Variants in AGXT2 observed in about 807,000 individuals in gnomAD.
The protein encoded by AGXT2 is alanine--glyoxylate aminotransferase 2, mitochondrial.
Under a neutral mutation model 62.5 loss-of-function variants are expected in AGXT2, and 61 were observed. The observed-to-expected ratio is 0.98, with a 90% CI of 0.79 to 1.21. The LOEUF (loss-of-function observed/expected upper bound fraction) is 1.21. AGXT2 is among the 50% of genes most tolerant of loss of function. AGXT2 has a pLI of 0.00. For missense variants in AGXT2, 666 were observed against 641.5 expected (o/e 1.04, Z -0.41); for synonymous variants, 243 against 218.7 (o/e 1.11, Z -0.98).
chr5:35,015,618 G>A (rs1022198491), intron 9 of AGXT2, among the ~76,000 whole-genome samples: 1 of 152,084 alleles, frequency 6.6e-6, no homozygotes, highest in African/African-American at 2.4e-5. Context: ...GGGAGGCCGA[G>A]GTGGGTGGAT....
At chr5:35,035,763 G>A (rs911592708) in intron 4 of AGXT2, among the ~76,000 whole-genome samples, 1 of 152,156 alleles carries the variant, frequency 6.6e-6, no homozygotes, top group Non-Finnish European at 1.5e-5. Flanking sequence ...TGACTATGCT[G>A]TGTGTGTGAA....
At chr5:35,009,087 G>A (rs1389714239) in intron 12 of AGXT2, among the ~76,000 whole-genome samples, 2 of 152,138 alleles carry the variant, frequency 1.3e-5, no homozygotes, top group Non-Finnish European at 2.9e-5. Flanking sequence ...TTGGGAGAAC[G>A]GTGGAGTGTG....
chr5:35,002,164 TTA>T (rs1294832812), intron 13 of AGXT2, among the ~76,000 whole-genome samples: 1 of 152,144 alleles, frequency 6.6e-6, no homozygotes, highest in Non-Finnish European at 1.5e-5. Context: ...AATCATTAAA[TTA>T]TGTTATCTGG....
intron 5 of AGXT2, 108 bp downstream of exon 5, chr5:35,035,114 T>C (rs915562420): frequency 2.1e-6 from 2 of 970,864 alleles, no homozygotes; most frequent in Non-Finnish European, 1.7e-6. Flanking sequence ...ACTAGAAAAA[T>C]ATCCCTGAGA....
rs60475980 is a variant in AGXT2 at position 34,998,514 on chromosome 5, C to A, written c.*205G>T. Reference sequence around the variant, plus strand: ...GATTTATTCTCTGAGCTAGGGAGATCCTTTCCCTGAAGAATGGAGTTCTCA... The same window carrying A: ...GATTTATTCTCTGAGCTAGGGAGATACTTTCCCTGAAGAATGGAGTTCTCA... On this transcript the variant is annotated 3_prime_UTR_variant, in exon 14 of 14. Transcript: ENST00000231420. 0.043 allele frequency: 26,351 copies of A among 612,202 alleles called. 1,914 individuals are homozygous for A. The highest frequency in any genetic ancestry group is 0.24 in the African/African-American group (13,231 of 54,106). The allele number at this position is 612,202 out of a possible 1,614,324, so 37.9% of individuals were successfully genotyped here. A position where few individuals can be genotyped will look rare whatever the true frequency, so the allele number is the denominator to read the frequency against.
At position 35,037,193 on chromosome 5, in the gene AGXT2, T is replaced by C. The variant is rs911563280; in HGVS notation, c.363-128A>G. On this transcript the variant is annotated intron_variant, in intron 3 of 13. Coordinates refer to ENST00000231420, the MANE Select transcript of AGXT2 (RefSeq NM_031900.4). The stretch of plus-strand genomic sequence containing the variant: ...TCAAGAGGCAGATTTTATTTACACA[T>C]GAGAATAAACTCCTTTAACCACTAG... 6.4e-6 allele frequency: 9 copies of C among 1,404,916 alleles called. No individual in the cohort carries two copies. In the Admixed American group the frequency reaches 1.4e-4, roughly 22 times the overall value. The allele number at this position is 1,404,916 out of a possible 1,614,324, so 87.0% of individuals were successfully genotyped here.
At chr5:35,016,388 C>A (rs1766851544) in intron 9 of AGXT2, among the ~76,000 whole-genome samples, 1 of 152,144 alleles carries the variant, frequency 6.6e-6, no homozygotes, top group Non-Finnish European at 1.5e-5. Flanking sequence ...TATGGTTTAA[C>A]TTTGAGGCAA....
chr5:35,047,688 T>C (rs921343792), intron 1 of AGXT2, 117 bp downstream of exon 1: 3 of 1,343,830 alleles, frequency 2.2e-6, no homozygotes, highest in African/African-American at 1.5e-5. Flanking sequence ...ACATGCCTCA[T>C]CTCTAAGACC....
chr5:35,036,912 C>G (rs772881334), intron 4 of AGXT2, 30 bp downstream of exon 4: 1 of 1,613,534 alleles, frequency 6.2e-7, no homozygotes, highest in South Asian at 1.1e-5. Flanking sequence ...TCCCCCATAA[C>G]ATTCACCTCC....
rs368143718 is a variant in AGXT2 at position 35,039,238 on chromosome 5, G to A, written c.362+86C>T. On this transcript the variant is annotated intron_variant, in intron 3 of 13. Coordinates refer to ENST00000231420, the MANE Select transcript of AGXT2 (RefSeq NM_031900.4). ...CATAGATATTTTTAAACCAAGATAA[G>A]CAAATCAAGAGTTCAGAGTCACTAA... 51 of 1,448,220 alleles carry A rather than the reference G, an allele frequency of 3.5e-5. No homozygotes were observed. The South Asian group carries it at 5.9e-4, about 17-fold the overall frequency. The allele number at this position is 1,448,220 out of a possible 1,614,324, so 89.7% of individuals were successfully genotyped here. A position where few individuals can be genotyped will look rare whatever the true frequency, so the allele number is the denominator to read the frequency against.
intron 9 of AGXT2, among the ~76,000 whole-genome samples, chr5:35,025,221 C>T (rs1767284971): frequency 6.6e-6 from 1 of 151,578 alleles, no homozygotes; most frequent in Admixed American, 6.6e-5. Flanking sequence ...ACTAAAAATA[C>T]AAAAATTAGT....
At chr5:35,019,650 T>C (rs1766990793) in intron 9 of AGXT2, among the ~76,000 whole-genome samples, 1 of 151,612 alleles carries the variant, frequency 6.6e-6, no homozygotes, top group Non-Finnish European at 1.5e-5. Flanking sequence ...CACCCTAACA[T>C]CACAATTAAA....
At chr5:35,030,401 G>T (rs770206827) in intron 7 of AGXT2, among the ~76,000 whole-genome samples, 1 of 152,148 alleles carries the variant, frequency 6.6e-6, no homozygotes, top group Non-Finnish European at 1.5e-5. Flanking sequence ...CCCGCTACTC[G>T]GGAAGCTGAG....
intron 9 of AGXT2, among the ~76,000 whole-genome samples, chr5:35,018,321 G>C (rs921304089): frequency 6.6e-6 from 1 of 152,160 alleles, no homozygotes; most frequent in Non-Finnish European, 1.5e-5. Context: ...GGCAGCAAGA[G>C]AGAAAGGTCA....
At chr5:35,042,858 T>C (rs1206201780) in intron 1 of AGXT2, among the ~76,000 whole-genome samples, 3 of 152,074 alleles carry the variant, frequency 2.0e-5, no homozygotes, top group African/African-American at 7.2e-5. Context: ...TAGGTATTTG[T>C]TTTGTTTTGT....
rs557613663 is a variant in AGXT2, at chr5:35,037,194, G to A, written c.363-129C>T. 1.2e-5 allele frequency: 16 copies of A among 1,367,386 alleles called. No individual in the cohort carries two copies. The South Asian group carries it at 1.9e-4, about 16-fold the overall frequency. The allele number at this position is 1,367,386 out of a possible 1,614,324, so 84.7% of individuals were successfully genotyped here. A position where few individuals can be genotyped will look rare whatever the true frequency, so the allele number is the denominator to read the frequency against. On this transcript the variant is annotated intron_variant, in intron 3 of 13. Coordinates refer to ENST00000231420, the MANE Select transcript of AGXT2 (RefSeq NM_031900.4). ...CAAGAGGCAGATTTTATTTACACAT[G>A]AGAATAAACTCCTTTAACCACTAGA...
intron 9 of AGXT2, among the ~76,000 whole-genome samples, chr5:35,016,291 T>A (rs969951874): frequency 6.6e-6 from 1 of 152,214 alleles, no homozygotes; most frequent in African/African-American, 2.4e-5. Context: ...CTTGCTCTCA[T>A]CCTCCCACTG....
At chr5:35,015,192 T>C (rs163907) in intron 9 of AGXT2, among the ~76,000 whole-genome samples, 69,202 of 151,982 alleles carry the variant, frequency 0.46, 16,124 homozygotes, top group African/African-American at 0.54. Context: ...CTGGGAAGGC[T>C]GCCATAGAGA....
intron 7 of AGXT2, among the ~76,000 whole-genome samples, chr5:35,028,581 GAGAGAGAGA>G (rs1767447490): frequency 1.1e-5 from 1 of 93,496 alleles, no homozygotes; most frequent in Non-Finnish European, 2.2e-5. Context: ...GAGAGAGAGA[GAGAGAGAGA>G]GAGAGAGAGA....
Sources: allele counts gnomAD v4.1 joint callset (sites outside exome capture counted in the v4.1 genomes callset), GRCh38; gene constraint gnomAD v4.1.1; transcripts MANE v1.5; gene names NCBI Gene and HGNC (gene_info 2026-07-23, HGNC 2026-07-21).